ROBO2: variants seen among roughly 807,000 people sequenced by gnomAD.
ROBO2 encodes roundabout homolog 2.
Under a neutral mutation model 160.8 loss-of-function variants are expected in ROBO2, and 53 were observed. That is an observed-to-expected ratio of 0.33 (90% confidence interval 0.26 to 0.41). The LOEUF is 0.41. ROBO2 is among the 10% of genes least tolerant of loss of function. The pLI, the probability that ROBO2 is intolerant of heterozygous loss-of-function variation, is 1.00. For missense variants in ROBO2, 1,577 were observed against 1,722.4 expected, an observed-to-expected ratio of 0.92 and a Z score of 1.49; for synonymous variants, 664 against 611.7, an observed-to-expected ratio of 1.09 and a Z score of -1.26.
chr3:75,933,495 G>C (rs1475870671), intron 1 of ROBO2, among the ~76,000 whole-genome samples: 3 of 151,980 alleles, frequency 2.0e-5, no homozygotes, highest in Non-Finnish European at 4.4e-5. Flanking sequence ...ATACTTGCAG[G>C]GAAGCTTTGT....
At chr3:76,211,637 A>T (rs191143363) in intron 2 of ROBO2, among the ~76,000 whole-genome samples, 19 of 152,202 alleles carry the variant, frequency 1.2e-4, no homozygotes, top group Admixed American at 1.2e-3. Flanking sequence ...ATGCTTATCT[A>T]CAGAAGCTGT....
At chr3:76,915,345 G>T (rs1467766041) in intron 2 of ROBO2, among the ~76,000 whole-genome samples, 1 of 151,998 alleles carries the variant, frequency 6.6e-6, no homozygotes, top group African/African-American at 2.4e-5. Flanking sequence ...AGCCTTAGTA[G>T]TGTTGTGAAA....
chr3:76,600,799 C>G (rs964286961), intron 2 of ROBO2, among the ~76,000 whole-genome samples: 1 of 152,112 alleles, frequency 6.6e-6, no homozygotes, highest in African/African-American at 2.4e-5. Context: ...TTTCAAAACC[C>G]ATCATGCCTT....
chr3:76,603,736 T>C (rs112330246), intron 2 of ROBO2, among the ~76,000 whole-genome samples: 2 of 152,234 alleles, frequency 1.3e-5, no homozygotes, highest in African/African-American at 4.8e-5. Flanking sequence ...TCTACCTGTC[T>C]AGAATTCCAT....
At chr3:76,173,003 T>C (rs927244202) in intron 2 of ROBO2, among the ~76,000 whole-genome samples, 27 of 152,056 alleles carry the variant, frequency 1.8e-4, no homozygotes, top group African/African-American at 6.5e-4. Flanking sequence ...TGTCTGATAT[T>C]AGAGCATGCT....
rs75745229 is a variant in ROBO2, at chr3:77,359,167, A to C, written c.389-118247A>C. Among the ~76,000 whole-genome samples, 810 of 152,338 alleles carry C rather than the reference A, an allele frequency of 5.3e-3. 8 individuals carry two copies. The highest frequency in any genetic ancestry group is 0.019 in the African/African-American group (775 of 41,582). ...AAGATGCAAAAGAAACAAGAAAACA[A>C]CTGGATTTTATTCGTTTCTCAGGGA... is the stretch of plus-strand genomic sequence containing the variant. On this transcript the variant is annotated intron_variant, in intron 2 of 25. Coordinates refer to ENST00000461745, the Ensembl canonical transcript of ROBO2.
chr3:76,773,269 A>G (rs2062028189), intron 2 of ROBO2, among the ~76,000 whole-genome samples: 1 of 149,630 alleles, frequency 6.7e-6, no homozygotes, highest in South Asian at 2.1e-4. Context: ...TTACATTAAT[A>G]AACTGTTATA....
chr3:76,838,452 A>C (rs2067911696), intron 2 of ROBO2, among the ~76,000 whole-genome samples: 1 of 152,098 alleles, frequency 6.6e-6, no homozygotes. Context: ...AATGCCACAT[A>C]GTTTTTCAAA....
At chr3:77,278,290 G>A (rs1452896994) in intron 2 of ROBO2, among the ~76,000 whole-genome samples, 1 of 152,070 alleles carries the variant, frequency 6.6e-6, no homozygotes, top group Non-Finnish European at 1.5e-5. Flanking sequence ...CTATGTTAAT[G>A]ACAAATAATA....
intron 2 of ROBO2, among the ~76,000 whole-genome samples, chr3:76,290,611 G>A (rs755491492): frequency 3.3e-5 from 5 of 152,058 alleles, no homozygotes; most frequent in South Asian, 2.1e-4. Flanking sequence ...TTCTCAAGGC[G>A]TATGCTTCCA....
intron 2 of ROBO2, among the ~76,000 whole-genome samples, chr3:76,596,301 A>G (rs2086728619): frequency 6.6e-6 from 1 of 152,138 alleles, no homozygotes. Context: ...TTACAGTATT[A>G]TTGTGTTAAT....
intron 2 of ROBO2, among the ~76,000 whole-genome samples, chr3:75,957,832 G>A (rs1460937087): frequency 1.3e-5 from 2 of 150,948 alleles, no homozygotes; most frequent in Non-Finnish European, 3.0e-5. Flanking sequence ...TTAATATTCT[G>A]TTTTACCTTT....
intron 2 of ROBO2, among the ~76,000 whole-genome samples, chr3:77,290,207 T>A (rs1420711617): frequency 1.0e-5 from 1 of 99,748 alleles, no homozygotes; most frequent in Non-Finnish European, 2.1e-5. Context: ...AAACGGGTAA[T>A]CTGAGGCTAG....
intron 2 of ROBO2, among the ~76,000 whole-genome samples, chr3:76,489,162 T>C (rs2079674268): frequency 6.6e-6 from 1 of 150,560 alleles, no homozygotes; most frequent in South Asian, 2.1e-4. Context: ...TTGTTTTTTT[T>C]TTTGGCCTCT....
At chr3:77,143,361 A>AT (rs1237395097) in intron 2 of ROBO2, among the ~76,000 whole-genome samples, 2 of 150,948 alleles carry the variant, frequency 1.3e-5, no homozygotes, top group African/African-American at 4.9e-5. Context: ...CACCCGGCTA[A>AT]TTTTTTCTAT....
intron 2 of ROBO2, among the ~76,000 whole-genome samples, chr3:75,977,833 G>A (rs1000517270): frequency 2.0e-5 from 3 of 151,096 alleles, no homozygotes; most frequent in African/African-American, 7.3e-5. Flanking sequence ...TGGTATTTTG[G>A]GTAAAAATGA....
chr3:75,931,667 A>C (rs1364008291), intron 1 of ROBO2, among the ~76,000 whole-genome samples: 1 of 152,102 alleles, frequency 6.6e-6, no homozygotes, highest in Non-Finnish European at 1.5e-5. Flanking sequence ...TAATATATCT[A>C]TATATAAAAA....
intron 2 of ROBO2, among the ~76,000 whole-genome samples, chr3:77,315,598 T>C (rs1025261259): frequency 2.6e-5 from 4 of 152,246 alleles, no homozygotes; most frequent in African/African-American, 9.6e-5. Flanking sequence ...TTAGGAATTT[T>C]ATTCAACTGC....
chr3:76,280,083 C>T (rs1708149632), intron 2 of ROBO2, among the ~76,000 whole-genome samples: 1 of 152,004 alleles, frequency 6.6e-6, no homozygotes, highest in African/African-American at 2.4e-5. Context: ...TGTACCAAAG[C>T]TTCTTGCTTG....
Sources: gnomAD v4.1 joint callset for allele counts (sites outside exome capture counted in the v4.1 genomes callset) on GRCh38, gnomAD v4.1.1 for gene constraint, MANE v1.5 for transcripts, NCBI Gene and HGNC (gene_info 2026-07-23, HGNC 2026-07-21) for gene names.